The following ABTB2 variants were observed in gnomAD, a reference collection of about 807,000 sequenced individuals.
ABTB2 encodes ankyrin repeat and BTB domain containing 2.
In ABTB2, 56 loss-of-function variants were observed where a neutral mutation model predicts 104.1. That is an observed-to-expected ratio of 0.54 (90% CI 0.43 to 0.67). The LOEUF is 0.67. ABTB2 is among the 30% of genes least tolerant of loss of function. The pLI is 0.00. For missense variants in ABTB2, 1,279 were observed against 1,407.7 expected (o/e 0.91, Z 1.46); for synonymous variants, 606 against 608.2 (o/e 1.00, Z 0.05).
intron 1 of ABTB2, among the ~76,000 whole-genome samples, chr11:34,209,361 T>C (rs55954105): frequency 0.17 from 24,936 of 149,342 alleles, 2,175 homozygotes; most frequent in East Asian, 0.26. Flanking sequence ...ACTTTTTTTT[T>C]CCCCCAGAAA....
chr11:34,180,386 A>C (rs1324510316), intron 3 of ABTB2, among the ~76,000 whole-genome samples: 1 of 152,206 alleles, frequency 6.6e-6, no homozygotes, highest in East Asian at 1.9e-4. Flanking sequence ...TGTGGTGGCG[A>C]GGGTGGGTGA....
intron 16 of ABTB2, 66 bp from the exon 17 acceptor site, chr11:34,152,650 C>T: frequency 2.7e-6 from 4 of 1,455,714 alleles, no homozygotes; most frequent in Admixed American, 3.9e-5. Context: ...CCCTCACCCC[C>T]AAATACTACC....
intron 1 of ABTB2, among the ~76,000 whole-genome samples, chr11:34,272,995 G>A (rs190987464): frequency 1.1e-4 from 16 of 151,966 alleles, no homozygotes; most frequent in South Asian, 4.2e-4. Flanking sequence ...CAATAATAGC[G>A]TTTCTTAAAG....
At chr11:34,227,529 C>T (rs144385221) in intron 1 of ABTB2, among the ~76,000 whole-genome samples, 7 of 152,150 alleles carry the variant, frequency 4.6e-5, no homozygotes, top group East Asian at 3.9e-4. Context: ...TTTTTGTGGG[C>T]GAATGATATT....
intron 1 of ABTB2, among the ~76,000 whole-genome samples, chr11:34,233,162 G>T (rs1398755388): frequency 6.6e-6 from 1 of 152,072 alleles, no homozygotes; most frequent in East Asian, 1.9e-4. Context: ...GGGAAGTTAG[G>T]CATTTAATAA....
intron 1 of ABTB2, among the ~76,000 whole-genome samples, chr11:34,353,650 A>T (rs1044919397): frequency 6.6e-6 from 1 of 152,118 alleles, no homozygotes; most frequent in African/African-American, 2.4e-5. Flanking sequence ...GCTGAGCAAA[A>T]CCATATTTGT....
At chr11:34,152,911 A>T (rs1445961675) in intron 16 of ABTB2, among the ~76,000 whole-genome samples, 2 of 152,130 alleles carry the variant, frequency 1.3e-5, no homozygotes, top group Non-Finnish European at 2.9e-5. Context: ...CTGGCATGTG[A>T]CTGTGCACAT....
chr11:34,279,762 A>G (rs1854427372), intron 1 of ABTB2, among the ~76,000 whole-genome samples: 1 of 151,840 alleles, frequency 6.6e-6, no homozygotes, highest in Admixed American at 6.6e-5. Flanking sequence ...TGACTATTCT[A>G]AATGCTTTTC....
intron 1 of ABTB2, among the ~76,000 whole-genome samples, chr11:34,216,758 G>A (rs2133047799): frequency 6.6e-6 from 1 of 151,942 alleles, no homozygotes; most frequent in East Asian, 1.9e-4. Flanking sequence ...ATCTCAAAAA[G>A]AAAAAAAGAA....
At chr11:34,200,529 T>C (rs1318973558) in intron 2 of ABTB2, among the ~76,000 whole-genome samples, 1 of 152,142 alleles carries the variant, frequency 6.6e-6, no homozygotes, top group Non-Finnish European at 1.5e-5. Flanking sequence ...GACTGTGACG[T>C]CTAAAAACTT....
chr11:34,351,423 T>C (rs4993520), intron 1 of ABTB2, among the ~76,000 whole-genome samples: 23,824 of 152,016 alleles, frequency 0.16, 3,232 homozygotes, highest in African/African-American at 0.36. Context: ...TCTTGGGTAT[T>C]GTACACTGAA....
intron 1 of ABTB2, chr11:34,335,822 T>C (rs1434246013): frequency 4.5e-6 from 6 of 1,332,406 alleles, no homozygotes; most frequent in Non-Finnish European, 6.5e-6. Flanking sequence ...AACGGTCCCA[T>C]AGTTTCATCA....
At position 34,161,087 on chromosome 11, in the gene ABTB2, CCAGGCAGGGAAGGG is replaced by C; in HGVS notation, c.2219-20_2219-7del. 1 of 1,600,648 alleles carries C rather than the reference CCAGGCAGGGAAGGG, an allele frequency of 6.2e-7. No individual in the cohort carries two copies. Among genetic ancestry groups the C allele is most frequent in the Non-Finnish European group, 8.5e-7 (1 of 1,172,604 alleles). ...GTGCAGCTTCCAGGGGACTCCTGGT[CCAGGCAGGGAAGGG>C]CAGGCAGTCACGCACCACAGCTGAG... On this transcript the variant is annotated splice_polypyrimidine_tract_variant and splice_region_variant and intron_variant, in intron 10 of 16. Coordinates refer to ENST00000435224, the MANE Select transcript of ABTB2 (RefSeq NM_145804.3).
intron 1 of ABTB2, among the ~76,000 whole-genome samples, chr11:34,208,167 T>C (rs1023271920): frequency 2.6e-5 from 4 of 152,204 alleles, no homozygotes; most frequent in African/African-American, 9.7e-5. Flanking sequence ...AACACCTCGA[T>C]GTGTTCCTTT....
rs141710627 is a variant in ABTB2 at position 34,196,773 on chromosome 11, G to A, written c.1244+552C>T. ...GGGCTATTCAACCACTAACCTGCTG[G>A]AGATCAGAGAGCTGCCAGGGCCAGG... On this transcript the variant is annotated intron_variant, in intron 3 of 16. Coordinates refer to ENST00000435224, the MANE Select transcript of ABTB2 (RefSeq NM_145804.3). Among the ~76,000 whole-genome samples, 264 of 152,314 alleles carry A rather than the reference G, an allele frequency of 1.7e-3. 1 individual carries two copies. The highest frequency in any genetic ancestry group is 6.0e-3 in the African/African-American group (251 of 41,570).
In ABTB2 at chr11:34,357,007, G is replaced by T; in HGVS notation, c.577C>A (p.Leu193Met). Residue 193 changes from leucine to methionine, a missense_variant, in exon 1 of 17, where the codon CTG becomes ATG. Leu to Met is a conservative substitution (Grantham distance 15). Coordinates refer to ENST00000435224, the MANE Select transcript of ABTB2 (RefSeq NM_145804.3). ...CAGCGCGCGGACTTGCCCCGGCGCA[G>T]CCCGTCGCCGGCGCTCATGCTGTAC... The part of the protein sequence containing the change: ...SLYSMSAGDG[L>M]RRGKSARCGL... 6.4e-7 allele frequency: 1 copy of T among 1,572,434 alleles called. No individual in the cohort carries two copies. The highest frequency in any genetic ancestry group is 8.6e-7 in the Non-Finnish European group (1 of 1,161,816).
At chr11:34,250,041 C>T (rs915992614) in intron 1 of ABTB2, among the ~76,000 whole-genome samples, 2 of 152,140 alleles carry the variant, frequency 1.3e-5, no homozygotes, top group African/African-American at 4.8e-5. Flanking sequence ...AGCTGGGAAA[C>T]TCAGGCAAAG....
intron 1 of ABTB2, among the ~76,000 whole-genome samples, chr11:34,221,095 G>A (rs1479749181): frequency 2.0e-5 from 3 of 151,858 alleles, no homozygotes; most frequent in Non-Finnish European, 4.4e-5. Flanking sequence ...TCAGCCTCCA[G>A]AGTAGCTGGG....
rs1445386168 is a variant in ABTB2, at chr11:34,278,450, A to G, written c.884-73760T>C. On this transcript the variant is annotated intron_variant, in intron 1 of 16. Coordinates refer to ENST00000435224, the MANE Select transcript of ABTB2 (RefSeq NM_145804.3). ...TTGCATTTTCTAAATATATTTGGCC[A>G]TGGAACCTTTTCCTGTGCTACATTT... Among the ~76,000 whole-genome samples the G allele has an allele frequency of 2.0e-5, 3 of 152,330 alleles. No homozygotes were observed. In the East Asian group the frequency reaches 5.8e-4, roughly 29 times the overall value.
Sources: allele counts gnomAD v4.1 joint callset (sites outside exome capture counted in the v4.1 genomes callset), GRCh38; gene constraint gnomAD v4.1.1; transcripts MANE v1.5; gene names NCBI Gene and HGNC (gene_info 2026-07-23, HGNC 2026-07-21).